ESX1: variants seen among roughly 807,000 people sequenced by gnomAD.
ESX1 encodes the protein homeobox protein ESX1.
A neutral mutation model predicts 13.2 loss-of-function variants in ESX1; 2 were observed. The observed-to-expected ratio is 0.15, with a 90% confidence interval of 0.06 to 0.48. The LOEUF is 0.48. ESX1 is among the 20% of genes least tolerant of loss of function. ESX1 has a pLI of 0.97. For synonymous variants in ESX1, 157 were observed against 163.1 expected, an observed-to-expected ratio of 0.96 and a Z score of 0.29; for missense variants, 307 against 379.0, an observed-to-expected ratio of 0.81 and a Z score of 1.58.
chrX:104,252,751 C>T (rs1216386277), intron 3 of ESX1, 32 bp downstream of exon 3: 1 of 1,193,962 alleles, frequency 8.4e-7, no homozygotes, highest in African/African-American at 1.8e-5. Context: ...GAATGGCTGT[C>T]CTGCCAAATT....
Position 104,252,774 on chromosome X carries a change from T to C in ESX1, c.552+9A>G, listed in dbSNP as rs781867293. Reference sequence around the variant, plus strand: ...GTCCTGCCAAATTGCTTTTTCAAGATTTACTGACCTGCACTCTGTCTTCAG... The same window carrying C: ...GTCCTGCCAAATTGCTTTTTCAAGACTTACTGACCTGCACTCTGTCTTCAG... On this transcript the variant is annotated intron_variant, in intron 3 of 3. Coordinates refer to ENST00000372588, the MANE Select transcript of ESX1 (RefSeq NM_153448.4). 2 of 1,209,647 alleles carry C rather than the reference T, an allele frequency of 1.7e-6. No homozygotes were observed. The highest frequency in any genetic ancestry group is 5.9e-5 in the East Asian group (2 of 33,809).
Position 104,254,821 on chromosome X carries a change from C to T in ESX1, c.29G>A (p.Ser10Asn), listed in dbSNP as rs782533196. The T allele has an allele frequency of 2.9e-5, 35 of 1,209,261 alleles. No homozygotes were observed. Among genetic ancestry groups the T allele is most frequent in the Middle Eastern group, 2.3e-4 (1 of 4,373 alleles). Residue 10 changes from serine to asparagine, a missense_variant, in exon 1 of 4, where the codon AGT becomes AAT. By Grantham distance (46) the Ser-to-Asn change is conservative. This residue lies in a region of ESX1 where 152 missense variants were observed against 114.5 expected (regional missense o/e 1.33). Transcript: ENST00000372588. ...TGCCAGGCTGCGGTAGCCAATATCA[C>T]TGTGGGTGTACCCGCGAAGAGACTC... The part of the protein sequence containing the change: MESLRGYTH[S>N]DIGYRSLAVG...
At chrX:104,254,057 A>C in intron 2 of ESX1, 97 bp downstream of exon 2, 1 of 1,051,092 alleles carries the variant, frequency 9.5e-7, no homozygotes, top group South Asian at 2.3e-5. Context: ...CCCAAAAACC[A>C]AGGGCGGAGG....
chrX:104,251,210 A>G (rs1044857155), intron 3 of ESX1, among the ~76,000 whole-genome samples: 1 of 112,071 alleles, frequency 8.9e-6, no homozygotes, highest in Non-Finnish European at 1.9e-5. Flanking sequence ...GTGTCTATTA[A>G]AAGTGTCTTT....
chrX:104,252,717 G>A, intron 3 of ESX1, 66 bp downstream of exon 3: 8 of 1,070,504 alleles, frequency 7.5e-6, no homozygotes, highest in Non-Finnish European at 9.1e-6. Context: ...AGAATGTCCA[G>A]GACAAAACCT....
Position 104,250,252 on chromosome X carries a change from A to G in ESX1, c.1197T>C (p.Ser399=). 1 of 1,209,463 alleles carries G rather than the reference A, an allele frequency of 8.3e-7. No homozygotes were observed. The highest frequency in any genetic ancestry group is 1.1e-6 in the Non-Finnish European group (1 of 894,146). The change falls in exon 4 of 4, where the codon AGT becomes AGC. Residue 399 remains serine (S), a synonymous_variant. Coordinates refer to ENST00000372588, the MANE Select transcript of ESX1 (RefSeq NM_153448.4). ...TTTAGAAAAAGGGACATGCATAATA[A>G]CTGTTGATGACAGGGGCCCATGTGA... ...VHITWAPVIN[S]YYACPFF
intron 1 of ESX1, 72 bp downstream of exon 1, chrX:104,254,696 C>A: frequency 8.7e-7 from 1 of 1,147,465 alleles, no homozygotes; most frequent in Non-Finnish European, 1.2e-6. Flanking sequence ...GCGTCTCCTC[C>A]GCTTGCCTCT....
At chrX:104,254,103 C>T (rs1239528162) in intron 2 of ESX1, 51 bp downstream of exon 2, 3 of 1,147,125 alleles carry the variant, frequency 2.6e-6, no homozygotes, top group Non-Finnish European at 3.5e-6. Flanking sequence ...CTTTTAGCTC[C>T]GGTGAAAGGG....
Position 104,254,164 on chromosome X carries a change from C to T in ESX1, c.496G>A (p.Val166Ile). Residue 166 changes from valine (V) to isoleucine (I), a missense_variant, in exon 2 of 4, where the codon GTT (valine) becomes ATT (isoleucine). By Grantham distance (29) the Val-to-Ile change is conservative (BLOSUM62 3). Transcript: ENST00000372588. ...NFFDESQYPD[V>I]VARERLAARL... is the part of the protein sequence containing the mutation. ...GGGCAAGCCACTTACCGCGCCACAA[C>T]GTCGGGATATTGAGATTCATCGAAA... 4 of 1,200,508 alleles carry T rather than the reference C, an allele frequency of 3.3e-6. No individual in the cohort carries two copies. Among genetic ancestry groups the T allele is most frequent in the Non-Finnish European group, 4.5e-6 (4 of 888,720 alleles).
At position 104,254,466 on chromosome X, in the gene ESX1, C is replaced by A; in HGVS notation, c.194G>T (p.Gly65Val). 2.5e-6 allele frequency: 3 copies of A among 1,212,156 alleles called. No homozygotes were observed. The highest frequency in any genetic ancestry group is 1.7e-5 in the African/African-American group (1 of 57,941). The part of the protein sequence containing the change: ...TEAENNVGTE[G>V]SVPSDDQDRE... ...GTCTTGGTCGTCCGAGGGGACGGAC[C>A]CTTCCGTGCCAACGTTGTTTTCCGC... is the stretch of plus-strand genomic sequence containing the variant. The change falls in exon 2 of 4, where the codon GGG becomes GTG. Residue 65 changes from glycine to valine, a missense_variant. Around this residue, in one of 3 missense-constraint regions of ESX1, gnomAD observed 152 missense variants for 114.5 expected, o/e 1.33. Coordinates refer to ENST00000372588, the MANE Select transcript of ESX1 (RefSeq NM_153448.4).
chrX:104,253,871 C>G (rs1217131890), intron 2 of ESX1, among the ~76,000 whole-genome samples: 1 of 112,800 alleles, frequency 8.9e-6, no homozygotes, highest in East Asian at 2.8e-4. Flanking sequence ...ACTCGATAAT[C>G]AAGACAAATA....
rs782577833 is a variant in ESX1 at position 104,254,738 on chromosome X, G to A, written c.82+30C>T. ...GAAAAATTCCTCTTTTGGAGTTCGC[G>A]AAAGCTCCCGTCCCTGTCCAAGCAC... On this transcript the variant is annotated intron_variant, in intron 1 of 3. Transcript: ENST00000372588. The A allele has an allele frequency of 9.3e-6, 11 of 1,184,842 alleles. No homozygotes were observed. The East Asian group carries it at 2.7e-4, about 29-fold the overall frequency.
chrX:104,253,154 AT>A lies in ESX1; in HGVS notation c.507-327del, dbSNP rs1556394804. 1.6e-4 allele frequency among the ~76,000 whole-genome samples: 8 copies of A among 51,097 alleles called. No homozygotes were observed. In the East Asian group the frequency reaches 6.4e-3, roughly 41 times the overall value. 44.4% of individuals were successfully genotyped at this position (51,097 alleles called of 115,157 possible). ...ACAGAGTGAGTCTCAAAAAAAAAACATATATATATATATATATGAATGTACA... is the reference window on the plus strand; with the variant it reads ...ACAGAGTGAGTCTCAAAAAAAAAACAATATATATATATATATGAATGTACA... On this transcript the variant is annotated intron_variant, in intron 2 of 3. Transcript: ENST00000372588.
intron 2 of ESX1, among the ~76,000 whole-genome samples, 182 bp downstream of exon 2, chrX:104,253,971 TC>T (rs1473736153): frequency 8.9e-6 from 1 of 111,916 alleles, no homozygotes; most frequent in Non-Finnish European, 1.9e-5. Context: ...AAAGGCGGGA[TC>T]CCACCCTGCC....
At chrX:104,253,065 T>C (rs1234589296) in intron 2 of ESX1, among the ~76,000 whole-genome samples, 3 of 108,771 alleles carry the variant, frequency 2.8e-5, no homozygotes, top group African/African-American at 1.0e-4. Context: ...AGGAAAATCG[T>C]TTGAACCCGG....
At chrX:104,254,118 G>A (rs782710613) in intron 2 of ESX1, 36 bp downstream of exon 2, 1 of 1,169,310 alleles carries the variant, frequency 8.6e-7, no homozygotes, top group Non-Finnish European at 1.1e-6. Context: ...AAAGGGTCCC[G>A]GGATGAACTG....
intron 2 of ESX1, among the ~76,000 whole-genome samples, chrX:104,253,155 T>C (rs782400980): frequency 1.0e-5 from 1 of 96,100 alleles, no homozygotes; most frequent in African/African-American, 4.7e-5. Context: ...AAAAAAAACA[T>C]ATATATATAT....
At chrX:104,254,687 C>T (rs1923286758) in intron 1 of ESX1, 81 bp downstream of exon 1, 2 of 1,136,042 alleles carry the variant, frequency 1.8e-6, no homozygotes, top group South Asian at 1.9e-5. Context: ...AGCCGCGCAG[C>T]GTCTCCTCCG....
intron 3 of ESX1, among the ~76,000 whole-genome samples, chrX:104,251,934 T>C (rs1556394433): frequency 8.9e-6 from 1 of 112,576 alleles, no homozygotes; most frequent in Non-Finnish European, 1.9e-5. Context: ...TGTGTTTGAC[T>C]GTATACAATT....
Sources: allele counts gnomAD v4.1 joint callset (sites outside exome capture counted in the v4.1 genomes callset), GRCh38; gene constraint gnomAD v4.1.1; regional missense constraint gnomAD v4.1.1; transcripts MANE v1.5; gene names NCBI Gene and HGNC (gene_info 2026-07-23, HGNC 2026-07-21).